The following FAM135A variants were observed in gnomAD, a reference collection of about 807,000 sequenced individuals.
The protein encoded by FAM135A is protein FAM135A.
In FAM135A, 79 loss-of-function variants were observed where a neutral mutation model predicts 146.8. The observed-to-expected ratio is 0.54, with a 90% CI of 0.45 to 0.65. The LOEUF (loss-of-function observed/expected upper bound fraction) is 0.65, where lower values mean the gene tolerates loss of function less well. Ranked by LOEUF, FAM135A falls within the 30% of genes least tolerant of loss-of-function variation. The probability of loss-of-function intolerance (pLI) is 0.00; values close to 1 mark genes in which losing one functional copy is unlikely to be tolerated. For missense variants in FAM135A, 1,623 were observed against 1,758.2 expected, an observed-to-expected ratio of 0.92 and a Z score of 1.38; for synonymous variants, 562 against 603.6, an observed-to-expected ratio of 0.93 and a Z score of 1.01.
chr6:70,549,267 G>A lies in FAM135A; in HGVS notation c.4229-7483G>A, dbSNP rs142995849. Among the ~76,000 whole-genome samples, 459 of 152,080 alleles carry A rather than the reference G, an allele frequency of 3.0e-3. 1 individual carries two copies. Among genetic ancestry groups the A allele is most frequent in the African/African-American group, 1.0e-2 (413 of 41,494 alleles). ...AATGTCCTTTGCTAGGGAAATAGGAGACATACTAAAAGTTAATCCTGGTAA... is the reference window on the plus strand; with the variant it reads ...AATGTCCTTTGCTAGGGAAATAGGAAACATACTAAAAGTTAATCCTGGTAA... On this transcript the variant is annotated intron_variant, in intron 20 of 21. Coordinates refer to ENST00000418814, the MANE Select transcript of FAM135A (RefSeq NM_001162529.3).
At chr6:70,553,140 A>T (rs919369576) in intron 20 of FAM135A, among the ~76,000 whole-genome samples, 1 of 152,116 alleles carries the variant, frequency 6.6e-6, no homozygotes, top group South Asian at 2.1e-4. Context: ...AAACCAGTGA[A>T]CCAACCATGT....
intron 4 of FAM135A, among the ~76,000 whole-genome samples, chr6:70,451,835 G>T (rs915404791): frequency 1.3e-5 from 2 of 151,876 alleles, no homozygotes; most frequent in Non-Finnish European, 2.9e-5. Context: ...ATAGGTGTAT[G>T]TATCCTCCAT....
At chr6:70,513,092 G>C (rs2128300196) in intron 12 of FAM135A, among the ~76,000 whole-genome samples, 1 of 151,686 alleles carries the variant, frequency 6.6e-6, no homozygotes, top group South Asian at 2.1e-4. Flanking sequence ...TAATAAGCAT[G>C]AGTCTATTTC....
intron 5 of FAM135A, among the ~76,000 whole-genome samples, chr6:70,468,445 ACC>A (rs1049887410): frequency 3.5e-4 from 54 of 152,210 alleles, no homozygotes; most frequent in African/African-American, 1.3e-3. Flanking sequence ...GTGACCAAAA[ACC>A]CACCACATAC....
At chr6:70,421,733 C>T (rs1247652156) in intron 2 of FAM135A, among the ~76,000 whole-genome samples, 2 of 152,178 alleles carry the variant, frequency 1.3e-5, no homozygotes, top group Non-Finnish European at 2.9e-5. Context: ...AATAGACCTC[C>T]AGATGATTTC....
intron 16 of FAM135A, among the ~76,000 whole-genome samples, chr6:70,530,971 CTTTA>C (rs1795695197): frequency 6.6e-6 from 1 of 152,106 alleles, no homozygotes. Flanking sequence ...AATGGATCCC[CTTTA>C]CAGAGTTTTT....
chr6:70,525,572 A>G lies in FAM135A; in HGVS notation c.2488A>G (p.Ile830Val), dbSNP rs1265855730. The G allele has an allele frequency of 1.2e-5, 20 of 1,613,486 alleles. No individual in the cohort carries two copies. Among genetic ancestry groups the G allele is most frequent in the South Asian group, 2.2e-5 (2 of 91,072 alleles). The stretch of plus-strand genomic sequence containing the variant: ...TCATTGTACTGAGAGTACAAGTGCT[A>G]TAAGTGAAATACAGTCATCTTTGAC... ...GNHCTESTSAISEIQSSLTSI... is the reference protein window; with the variant it reads ...GNHCTESTSAVSEIQSSLTSI... Residue 830 changes from isoleucine to valine, a missense_variant, in exon 15 of 22, where the codon ATA becomes GTA. Physicochemically the swap from Ile to Val is conservative, Grantham distance 29. Coordinates refer to ENST00000418814, the MANE Select transcript of FAM135A (RefSeq NM_001162529.3).
At chr6:70,516,530 CTTTTTT>C (rs1174927909) in intron 12 of FAM135A, among the ~76,000 whole-genome samples, 1 of 84,958 alleles carries the variant, frequency 1.2e-5, no homozygotes, top group Admixed American at 1.4e-4. Flanking sequence ...ATTTTCTTTT[CTTTTTT>C]TTTTTTTTTT....
intron 4 of FAM135A, among the ~76,000 whole-genome samples, chr6:70,441,667 A>G (rs80354828): frequency 0.039 from 5,987 of 151,628 alleles, 142 homozygotes; most frequent in Non-Finnish European, 0.058. Context: ...AAGTCCTTTC[A>G]GTTAACAGCA....
rs979067882 is a variant in FAM135A, at chr6:70,549,235, C to T, written c.4229-7515C>T. 3.3e-5 allele frequency among the ~76,000 whole-genome samples: 5 copies of T among 151,932 alleles called. No individual in the cohort carries two copies. In the East Asian group the frequency reaches 5.8e-4, roughly 18 times the overall value. ...TGTCCTCTCCCTTCTGAAGTGGAAT[C>T]GACATAAATGTCCTTTGCTAGGGAA... On this transcript the variant is annotated intron_variant, in intron 20 of 21. Transcript: ENST00000418814.
At chr6:70,456,787 A>G (rs1348205428) in intron 5 of FAM135A, among the ~76,000 whole-genome samples, 2 of 152,174 alleles carry the variant, frequency 1.3e-5, no homozygotes, top group Non-Finnish European at 2.9e-5. Context: ...TTGTGAGCTC[A>G]GGATAAGGAA....
In FAM135A at chr6:70,482,001, G is replaced by A. The variant is rs1783794668; in HGVS notation, c.670G>A (p.Gly224Ser). The A allele has an allele frequency of 6.2e-7, 1 of 1,608,208 alleles. No individual in the cohort carries two copies. The highest frequency in any genetic ancestry group is 8.5e-7 in the Non-Finnish European group (1 of 1,177,328). ...TATCCTACATCTGTTTTTTGTTTAG[G>A]GTTGTAGCTTCATCATTGCAGACTC... ...INYTKQLSPDGCSFIIADSFL... is the reference protein window; with the variant it reads ...INYTKQLSPDSCSFIIADSFL... The change falls in exon 10 of 22, where the codon GGT becomes AGT. Residue 224 changes from glycine to serine, a missense_variant and splice_region_variant. Physicochemically the swap from Gly to Ser is moderately conservative, Grantham distance 56 (BLOSUM62 0). This residue lies in a region of FAM135A where 206 missense variants were observed against 194.7 expected (regional missense o/e 1.06). Transcript: ENST00000418814.
intron 4 of FAM135A, among the ~76,000 whole-genome samples, chr6:70,449,165 T>C (rs1305518383): frequency 6.6e-6 from 1 of 152,220 alleles, no homozygotes; most frequent in Non-Finnish European, 1.5e-5. Context: ...AAAAGTTGTA[T>C]ATATGGAGTA....
intron 20 of FAM135A, among the ~76,000 whole-genome samples, chr6:70,540,771 T>C (rs1797776564): frequency 6.6e-6 from 1 of 152,240 alleles, no homozygotes; most frequent in African/African-American, 2.4e-5. Context: ...TCTATATTAC[T>C]GTTTTTATAC....
intron 19 of FAM135A, 35 bp downstream of exon 19, chr6:70,536,446 G>A: frequency 6.8e-7 from 1 of 1,464,506 alleles, no homozygotes; most frequent in Non-Finnish European, 9.1e-7. Flanking sequence ...TAAAAATATG[G>A]AATAGGGAGA....
chr6:70,413,692 C>T lies in FAM135A; in HGVS notation c.-230C>T. The T allele has an allele frequency of 1.8e-6, 1 of 555,996 alleles. No individual in the cohort carries two copies. 34.4% of individuals were successfully genotyped at this position (555,996 alleles called of 1,614,324 possible). On this transcript the variant is annotated 5_prime_UTR_variant, in exon 1 of 22. Coordinates refer to ENST00000418814, the MANE Select transcript of FAM135A (RefSeq NM_001162529.3). ...TCGACAGGCGGGGGAAGAGGCCGAGCCGGGCGAGAGGTAACCCCCTTACTG... is the reference window on the plus strand; with the variant it reads ...TCGACAGGCGGGGGAAGAGGCCGAGTCGGGCGAGAGGTAACCCCCTTACTG...
At position 70,470,890 on chromosome 6, in the gene FAM135A, A is replaced by T. The variant is rs557098767; in HGVS notation, c.158-4520A>T. Reference sequence around the variant, plus strand: ...TTTGTCTAGGTGCATCTGCAGGTAGATCCTATAGTAGAGCTTATAGAACTT... The same window carrying T: ...TTTGTCTAGGTGCATCTGCAGGTAGTTCCTATAGTAGAGCTTATAGAACTT... On this transcript the variant is annotated intron_variant, in intron 5 of 21. Coordinates refer to ENST00000418814, the MANE Select transcript of FAM135A (RefSeq NM_001162529.3). Among the ~76,000 whole-genome samples the T allele has an allele frequency of 2.6e-5, 4 of 152,344 alleles. No homozygotes were observed. In the South Asian group the frequency reaches 8.3e-4, roughly 32 times the overall value.
intron 1 of FAM135A, among the ~76,000 whole-genome samples, chr6:70,414,380 C>G (rs756375323): frequency 3.3e-5 from 5 of 152,208 alleles, no homozygotes; most frequent in Non-Finnish European, 4.4e-5. Context: ...TTCGGAAACC[C>G]TCACTGCCTT....
At chr6:70,559,481 G>A (rs1380432589) in intron 21 of FAM135A, among the ~76,000 whole-genome samples, 1 of 151,498 alleles carries the variant, frequency 6.6e-6, no homozygotes, top group East Asian at 1.9e-4. Flanking sequence ...CAAGAATAAT[G>A]TATAATAAAT....
Sources: gnomAD v4.1 joint callset for allele counts (sites outside exome capture counted in the v4.1 genomes callset) on GRCh38, gnomAD v4.1.1 for gene constraint, gnomAD v4.1.1 regional missense constraint, MANE v1.5 for transcripts, NCBI Gene and HGNC (gene_info 2026-07-23, HGNC 2026-07-21) for gene names.